The following DGKH variants were observed in gnomAD, a reference collection of about 807,000 sequenced individuals.
The protein encoded by DGKH is diacylglycerol kinase eta.
In DGKH, 90 loss-of-function variants were observed where a neutral mutation model predicts 159.3. The ratio of observed to expected loss-of-function variants is 0.57; its 90% CI spans 0.48 to 0.67. The LOEUF is 0.67. DGKH is among the 30% of genes least tolerant of loss of function. The pLI is 0.00. For missense variants in DGKH, 1,181 were observed against 1,506.1 expected (o/e 0.78, Z 3.57); for synonymous variants, 536 against 553.8 (o/e 0.97, Z 0.45).
At chr13:42,157,267 T>G (rs921767381) in intron 5 of DGKH, among the ~76,000 whole-genome samples, 2 of 152,192 alleles carry the variant, frequency 1.3e-5, no homozygotes, top group African/African-American at 4.8e-5. Flanking sequence ...AATATGGTAT[T>G]ATTTTAAAGA....
At chr13:42,140,441 A>G (rs1955515157) in intron 3 of DGKH, 2 of 152,240 alleles carry the variant, frequency 1.3e-5, no homozygotes, top group African/African-American at 4.8e-5. Flanking sequence ...TGATACTGTC[A>G]TTGTCACCAT....
intron 1 of DGKH, among the ~76,000 whole-genome samples, chr13:42,072,536 T>G (rs1057430231): frequency 2.0e-5 from 3 of 152,180 alleles, no homozygotes; most frequent in Non-Finnish European, 4.4e-5. Flanking sequence ...TGAATTGTGA[T>G]GATCAAGAAA....
rs1555264853 is a variant in DGKH, at chr13:42,141,029, C to CATTAACTCG, written c.384+11397_384+11398insATTAACTCG. On this transcript the variant is annotated intron_variant, in intron 3 of 29. Transcript: ENST00000337343. ...ATGTGCCATGTTGGTGTGCTGAACC[C>CATTAACTCG]TCCTAATGCTATCCCTCCCCCCTCC... Among the ~76,000 whole-genome samples the CATTAACTCG allele has an allele frequency of 4.8e-4, 25 of 52,148 alleles. 1 individual carries two copies. The highest frequency in any genetic ancestry group is 1.4e-3 in the South Asian group (2 of 1,436). The allele number at this position is 52,148 out of a possible 152,430, so 34.2% of individuals were successfully genotyped here.
At chr13:42,193,001 C>T (rs1594181201) in intron 16 of DGKH, among the ~76,000 whole-genome samples, 1 of 152,220 alleles carries the variant, frequency 6.6e-6, no homozygotes, top group Non-Finnish European at 1.5e-5. Context: ...AGTTTACACT[C>T]ATCCCAATGA....
chr13:42,164,951 T>G (rs1291868477), intron 7 of DGKH, among the ~76,000 whole-genome samples: 3 of 152,162 alleles, frequency 2.0e-5, no homozygotes, highest in Non-Finnish European at 4.4e-5. Context: ...ATCAATTTAT[T>G]TTATGGGCAA....
intron 1 of DGKH, chr13:42,070,074 A>G (rs1443676304): frequency 2.0e-5 from 19 of 961,862 alleles, no homozygotes; most frequent in Admixed American, 6.8e-5. Flanking sequence ...GCAAAATATT[A>G]TGAGCTTCAT....
chr13:42,179,816 T>C (rs1268762506), intron 13 of DGKH, among the ~76,000 whole-genome samples: 1 of 150,420 alleles, frequency 6.6e-6, no homozygotes, highest in Non-Finnish European at 1.5e-5. Context: ...AGAGAAAAGG[T>C]TTCCACTGCC....
At chr13:42,165,529 C>A in intron 8 of DGKH, 96 bp downstream of exon 8, 1 of 602,424 alleles carries the variant, frequency 1.7e-6, no homozygotes, top group Non-Finnish European at 2.6e-6. Flanking sequence ...TGGTAATTGA[C>A]TATTGTAGTC....
Position 42,242,582 on chromosome 13 carries a change from G to A in DGKH, c.*13394G>A, listed in dbSNP as rs9634770. ...AATATATACAATTGAGATATTTATT[G>A]CCTACTATTTTAAAGATGTTTTATG... On this transcript the variant is annotated 3_prime_UTR_variant, in exon 30 of 30. Transcript: ENST00000337343. 6.6e-6 allele frequency: 1 copy of A among 152,100 alleles called. No individual in the cohort carries two copies. The highest frequency in any genetic ancestry group is 1.5e-5 in the Non-Finnish European group (1 of 68,000). 9.4% of individuals were successfully genotyped at this position (152,100 alleles called of 1,614,324 possible).
At chr13:42,225,270 T>G in intron 29 of DGKH, 1 of 1,585,812 alleles carries the variant, frequency 6.3e-7, no homozygotes, top group Non-Finnish European at 8.5e-7. Context: ...ACAAACTGAT[T>G]GCATCATTTT....
chr13:42,069,114 G>A, intron 1 of DGKH: 2 of 1,399,536 alleles, frequency 1.4e-6, no homozygotes, highest in Non-Finnish European at 2.0e-6. Flanking sequence ...CTGTTGTTCA[G>A]AAATCCTTCC....
chr13:42,167,403 T>C (rs1956339383), intron 9 of DGKH, among the ~76,000 whole-genome samples: 1 of 152,228 alleles, frequency 6.6e-6, no homozygotes, highest in East Asian at 1.9e-4. Context: ...AAGTGGGGAT[T>C]TTTGATACCA....
At chr13:42,246,151 G>T (rs745663952), downstream of DGKH, among the ~76,000 whole-genome samples, 2 of 152,152 alleles carry the variant, frequency 1.3e-5, no homozygotes, top group Non-Finnish European at 1.5e-5. Context: ...CTGTCCTACT[G>T]TGGCCTTGGT....
At chr13:42,051,576 G>A (rs1468042418) in intron 1 of DGKH, among the ~76,000 whole-genome samples, 1 of 150,060 alleles carries the variant, frequency 6.7e-6, no homozygotes, top group African/African-American at 2.4e-5. Context: ...TACTTTCTGT[G>A]TCTCCGCACA....
intron 13 of DGKH, among the ~76,000 whole-genome samples, chr13:42,186,517 A>G (rs1335132427): frequency 6.6e-6 from 1 of 152,240 alleles, no homozygotes; most frequent in African/African-American, 2.4e-5. Context: ...ATCTCAAGGA[A>G]AAAATGAATA....
intron 1 of DGKH, among the ~76,000 whole-genome samples, chr13:42,050,820 G>T (rs1881224824): frequency 6.7e-6 from 1 of 150,322 alleles, no homozygotes; most frequent in Non-Finnish European, 1.5e-5. Flanking sequence ...TCTTGCCATT[G>T]CACTCCAACC....
At chr13:42,069,186 T>G in intron 1 of DGKH, 1 of 1,323,270 alleles carries the variant, frequency 7.6e-7, no homozygotes, top group South Asian at 1.4e-5. Flanking sequence ...TTTCAGGATC[T>G]TCTTTCCTGC....
intron 3 of DGKH, among the ~76,000 whole-genome samples, chr13:42,135,500 A>G: frequency 6.8e-6 from 1 of 146,340 alleles, no homozygotes; most frequent in Non-Finnish European, 1.5e-5. Context: ...AGAAAAAAAA[A>G]AAAAAAAAGA....
At position 42,152,754 on chromosome 13, in the gene DGKH, C is replaced by T. The variant is rs569599791; in HGVS notation, c.385-2537C>T. 1.2e-3 allele frequency among the ~76,000 whole-genome samples: 184 copies of T among 152,018 alleles called. 2 individuals are homozygous for T. The highest frequency in any genetic ancestry group is 7.7e-3 in the South Asian group (37 of 4,798). On this transcript the variant is annotated intron_variant, in intron 3 of 29. Coordinates refer to ENST00000337343, the MANE Select transcript of DGKH (RefSeq NM_178009.5). ...CAGTTAGAACCATGATTCTGAAATA[C>T]AGGCTTAAAGACATTAAGAGGGGAC...
Sources: allele counts gnomAD v4.1 joint callset (sites outside exome capture counted in the v4.1 genomes callset), GRCh38; gene constraint gnomAD v4.1.1; transcripts MANE v1.5; gene names NCBI Gene and HGNC (gene_info 2026-07-23, HGNC 2026-07-21).